The following WDR70 variants were observed in gnomAD, a reference collection of about 807,000 sequenced individuals.
WDR70 encodes WD repeat-containing protein 70.
In WDR70, 53 loss-of-function variants were observed where a neutral mutation model predicts 88.6. The ratio of observed to expected loss-of-function variants is 0.60; its 90% CI spans 0.48 to 0.75. The LOEUF (loss-of-function observed/expected upper bound fraction) is 0.75. Among genes scored for constraint, WDR70 ranks in the 30% least tolerant of loss-of-function variants. The pLI is 0.00. For synonymous variants in WDR70, 280 were observed against 270.0 expected (o/e 1.04, Z -0.36); for missense variants, 610 against 823.2 (o/e 0.74, Z 3.17).
intron 3 of WDR70, among the ~76,000 whole-genome samples, chr5:37,390,793 C>A (rs1748794910): frequency 6.6e-6 from 1 of 150,990 alleles, no homozygotes; most frequent in African/African-American, 2.4e-5. Flanking sequence ...CTTGGCTCAC[C>A]ACAACCTCCA....
chr5:37,637,439 A>G (rs907824679), intron 10 of WDR70, among the ~76,000 whole-genome samples: 25 of 152,238 alleles, frequency 1.6e-4, no homozygotes, highest in African/African-American at 6.0e-4. Flanking sequence ...GTTGGTGTCA[A>G]CATAGCAGGG....
At chr5:37,467,401 A>G (rs557803704) in intron 7 of WDR70, among the ~76,000 whole-genome samples, 54 of 152,102 alleles carry the variant, frequency 3.6e-4, no homozygotes, top group African/African-American at 1.3e-3. Flanking sequence ...AAGCAGCTCT[A>G]GTGTCTCTTC....
chr5:37,604,988 G>C, intron 9 of WDR70, 76 bp from the exon 10 acceptor site: 1 of 1,350,940 alleles, frequency 7.4e-7, no homozygotes, highest in Non-Finnish European at 9.8e-7. Flanking sequence ...AGTCTTTATG[G>C]ACTCTTCCCT....
intron 9 of WDR70, among the ~76,000 whole-genome samples, chr5:37,523,298 C>A (rs956080361): frequency 1.3e-5 from 2 of 152,210 alleles, no homozygotes; most frequent in African/African-American, 4.8e-5. Flanking sequence ...GAGGAACGAT[C>A]AGGCAGCAAC....
At chr5:37,487,621 ATATGTATTT>A (rs1274793795) in intron 8 of WDR70, among the ~76,000 whole-genome samples, 3,225 of 37,460 alleles carry the variant, frequency 0.086, 78 homozygotes, top group East Asian at 0.17. Context: ...ATATATATAT[ATATGTATTT>A]TTTTTTTTTT....
chr5:37,446,390 A>G (rs1245584220), intron 7 of WDR70, among the ~76,000 whole-genome samples: 1 of 152,224 alleles, frequency 6.6e-6, no homozygotes, highest in African/African-American at 2.4e-5. Flanking sequence ...ATTCAATGCC[A>G]TCCCCATCAA....
intron 5 of WDR70, 75 bp from the exon 6 acceptor site, chr5:37,437,847 C>T: frequency 7.3e-7 from 1 of 1,365,022 alleles, no homozygotes; most frequent in Non-Finnish European, 9.9e-7. Flanking sequence ...AATTGTATTT[C>T]CTGTGAAATG....
In WDR70 at chr5:37,697,110, G is replaced by A. The variant is rs554214734; in HGVS notation, c.1093-545G>A. On this transcript the variant is annotated intron_variant, in intron 10 of 17. Transcript: ENST00000265107. The stretch of plus-strand genomic sequence containing the variant: ...TTGTGAGGACTAAATAGGCAAGATA[G>A]GAAAGCATATAGTGCCTAGGATATG... Among the ~76,000 whole-genome samples the A allele has an allele frequency of 1.7e-4, 26 of 152,272 alleles. 1 individual carries two copies. Among genetic ancestry groups the A allele is most frequent in the African/African-American group, 5.1e-4 (21 of 41,552 alleles).
At chr5:37,588,449 TC>T (rs1402970830) in intron 9 of WDR70, among the ~76,000 whole-genome samples, 2 of 152,146 alleles carry the variant, frequency 1.3e-5, no homozygotes, top group Non-Finnish European at 2.9e-5. Flanking sequence ...AGGAACCCCA[TC>T]ACCTCAACAT....
chr5:37,414,727 T>C (rs1749641253), intron 5 of WDR70, among the ~76,000 whole-genome samples: 1 of 152,130 alleles, frequency 6.6e-6, no homozygotes, highest in Non-Finnish European at 1.5e-5. Flanking sequence ...GCATGGCTAC[T>C]TTCTTCCTAA....
intron 9 of WDR70, among the ~76,000 whole-genome samples, chr5:37,525,593 A>G (rs630494): frequency 0.9 from 136,939 of 151,990 alleles, 63,318 homozygotes; most frequent in East Asian, 1. Context: ...GAGCAAACAC[A>G]TTCAAAAGCT....
intron 4 of WDR70, among the ~76,000 whole-genome samples, chr5:37,393,348 C>A (rs1405929822): frequency 1.3e-5 from 2 of 152,068 alleles, no homozygotes; most frequent in African/African-American, 4.8e-5. Flanking sequence ...CGTTATTATT[C>A]TTTTTTTAGT....
At chr5:37,491,271 T>A (rs1740061294) in intron 8 of WDR70, among the ~76,000 whole-genome samples, 1 of 152,160 alleles carries the variant, frequency 6.6e-6, no homozygotes, top group African/African-American at 2.4e-5. Flanking sequence ...ATTCCAACAT[T>A]CTCTCTTTGA....
intron 9 of WDR70, among the ~76,000 whole-genome samples, chr5:37,595,067 G>A (rs113914310): frequency 0.11 from 16,821 of 152,106 alleles, 2,999 homozygotes; most frequent in African/African-American, 0.38. Context: ...TTCTAAATAT[G>A]CAATCATGTC....
intron 6 of WDR70, among the ~76,000 whole-genome samples, chr5:37,441,542 A>G (rs1194364490): frequency 6.6e-6 from 1 of 152,146 alleles, no homozygotes; most frequent in African/African-American, 2.4e-5. Context: ...GACTCTGGCC[A>G]GGTGCCGTGG....
chr5:37,719,359 C>CA (rs11444230), intron 13 of WDR70, among the ~76,000 whole-genome samples: 10,336 of 147,746 alleles, frequency 0.07, 1,176 homozygotes, highest in African/African-American at 0.24. Flanking sequence ...ACCCCCCCCC[C>CA]AAAAAATACC....
rs565871025 is a variant in WDR70 at position 37,411,929 on chromosome 5, ATTTC to A, written c.492+15363_492+15366del. Among the ~76,000 whole-genome samples the A allele has an allele frequency of 2.9e-3, 435 of 151,888 alleles. 2 individuals carry two copies. The highest frequency in any genetic ancestry group is 0.01 in the African/African-American group (424 of 41,480). ...TATTAAAAATATTAATTATATTATA[ATTTC>A]TTTTTGATAAACTTTTTTTTACTTA... On this transcript the variant is annotated intron_variant, in intron 5 of 17. Transcript: ENST00000265107.
chr5:37,543,159 C>T (rs1011891669), intron 9 of WDR70, among the ~76,000 whole-genome samples: 2 of 152,142 alleles, frequency 1.3e-5, no homozygotes, highest in Admixed American at 6.5e-5. Flanking sequence ...CCAAACTTGT[C>T]AGAGAGCTTA....
At chr5:37,467,554 T>G (rs1739195548) in intron 7 of WDR70, among the ~76,000 whole-genome samples, 2 of 84,162 alleles carry the variant, frequency 2.4e-5, no homozygotes, top group Non-Finnish European at 5.6e-5. Flanking sequence ...TTTTTTTTTT[T>G]GAGACAGAGT....
Sources: gnomAD v4.1 joint callset for allele counts (sites outside exome capture counted in the v4.1 genomes callset) on GRCh38, gnomAD v4.1.1 for gene constraint, MANE v1.5 for transcripts, NCBI Gene and HGNC (gene_info 2026-07-23, HGNC 2026-07-21) for gene names.